Variants in APBA1 observed in about 807,000 individuals in gnomAD.
APBA1 encodes the protein amyloid beta precursor protein binding family A member 1.
In APBA1, 55 loss-of-function variants were observed where a neutral mutation model predicts 86.6. The observed-to-expected ratio is 0.64, with a 90% CI of 0.51 to 0.80. The LOEUF (loss-of-function observed/expected upper bound fraction) is 0.80, where lower values mean the gene tolerates loss of function less well. Ranked by LOEUF, APBA1 falls within the 30% of genes least tolerant of loss-of-function variation. APBA1 has a pLI of 0.00. For missense variants in APBA1, 1,090 were observed against 1,183.0 expected (o/e 0.92, Z 1.15); for synonymous variants, 511 against 493.9 (o/e 1.03, Z -0.46).
At chr9:69,575,076 C>T (rs921695048) in intron 1 of APBA1, among the ~76,000 whole-genome samples, 1 of 152,104 alleles carries the variant, frequency 6.6e-6, no homozygotes, top group Non-Finnish European at 1.5e-5. Context: ...ACCACCTCTC[C>T]TGGCTAATTT....
intron 1 of APBA1, among the ~76,000 whole-genome samples, chr9:69,563,897 C>G (rs1836985720): frequency 6.6e-6 from 1 of 152,112 alleles, no homozygotes; most frequent in Non-Finnish European, 1.5e-5. Context: ...TACAAGCTAC[C>G]CACTTTGAAA....
Position 69,432,605 on chromosome 9 carries a change from G to T in APBA1, c.2373C>A (p.Ile791=). 6.2e-7 allele frequency: 1 copy of T among 1,606,824 alleles called. No homozygotes were observed. The highest frequency in any genetic ancestry group is 8.5e-7 in the Non-Finnish European group (1 of 1,176,972). Residue 791 remains isoleucine (I), a synonymous_variant, in exon 12 of 13, where the codon ATC becomes ATA. Transcript: ENST00000265381. ...GGGTGGCCACGACGCTCTGTCCATTGATTTCAATGATCCGGTGCCCCACAC... is the reference window on the plus strand; with the variant it reads ...GGGTGGCCACGACGCTCTGTCCATTTATTTCAATGATCCGGTGCCCCACAC... The part of the protein sequence containing the change: ...GVRVGHRIIE[I]NGQSVVATPH...
chr9:69,546,727 A>C (rs116736720), intron 1 of APBA1, among the ~76,000 whole-genome samples: 2,467 of 152,324 alleles, frequency 0.016, 60 homozygotes, highest in African/African-American at 0.056. Context: ...TTAGGGAATA[A>C]ATCTTAAAGT....
At chr9:69,639,883 A>T (rs2134006777) in intron 1 of APBA1, among the ~76,000 whole-genome samples, 1 of 152,304 alleles carries the variant, frequency 6.6e-6, no homozygotes, top group East Asian at 1.9e-4. Context: ...AAAAGCACTT[A>T]TGAAATAATA....
chr9:69,579,313 C>A (rs1164556711), intron 1 of APBA1, among the ~76,000 whole-genome samples: 1 of 152,158 alleles, frequency 6.6e-6, no homozygotes, highest in Non-Finnish European at 1.5e-5. Context: ...TGTTGCTAAT[C>A]CCCGAGCAAG....
chr9:69,605,099 A>T (rs1822445617), intron 1 of APBA1, among the ~76,000 whole-genome samples: 1 of 152,226 alleles, frequency 6.6e-6, no homozygotes. Context: ...GGGGGTAAAA[A>T]CAAGAGTTAT....
intron 5 of APBA1, chr9:69,462,821 C>G (rs1835212229): frequency 6.6e-6 from 1 of 152,198 alleles, no homozygotes; most frequent in Admixed American, 6.5e-5. Context: ...GCAGAATCTC[C>G]TGGAGGGTTT....
chr9:69,595,577 G>A (rs549165040), intron 1 of APBA1, among the ~76,000 whole-genome samples: 99 of 152,234 alleles, frequency 6.5e-4, no homozygotes, highest in African/African-American at 2.1e-3. Flanking sequence ...TATGATCTTC[G>A]TGATAACTGT....
chr9:69,516,222 C>A lies in APBA1; in HGVS notation c.989G>T (p.Gly330Val). ...AGQQRAVGPA[G>V]GGEAGQRYSK... ...GTACCGCTGCCCCGCCTCGCCGCCGCCCGCGGGGCCCACCGCCCGCTGCTG... is the reference window on the plus strand; with the variant it reads ...GTACCGCTGCCCCGCCTCGCCGCCGACCGCGGGGCCCACCGCCCGCTGCTG... Residue 330 changes from glycine (G) to valine (V), a missense_variant, in exon 2 of 13, where the codon GGC becomes GTC. Gly to Val is a moderately radical substitution (Grantham distance 109). Coordinates refer to ENST00000265381, the MANE Select transcript of APBA1 (RefSeq NM_001163.4). The surrounding 1 kb of genome is among the most constrained non-coding windows in gnomAD (Gnocchi z 7.3). 3 of 1,478,268 alleles carry A rather than the reference C, an allele frequency of 2.0e-6. No homozygotes were observed. Among genetic ancestry groups the A allele is most frequent in the Non-Finnish European group, 2.7e-6 (3 of 1,110,546 alleles). The allele number at this position is 1,478,268 out of a possible 1,614,324, so 91.6% of individuals were successfully genotyped here. A position where few individuals can be genotyped will look rare whatever the true frequency, so the allele number is the denominator to read the frequency against.
At chr9:69,512,645 A>G (rs963916753) in intron 2 of APBA1, among the ~76,000 whole-genome samples, 2 of 152,226 alleles carry the variant, frequency 1.3e-5, no homozygotes, top group African/African-American at 4.8e-5. Context: ...TTATATCCAC[A>G]GCACTTACAT....
At chr9:69,559,356 AG>A (rs1325174427) in intron 1 of APBA1, among the ~76,000 whole-genome samples, 1 of 152,210 alleles carries the variant, frequency 6.6e-6, no homozygotes, top group Non-Finnish European at 1.5e-5. Context: ...ATCCAGATCA[AG>A]ATGATAACAT....
intron 10 of APBA1, among the ~76,000 whole-genome samples, chr9:69,448,289 C>T (rs1422870773): frequency 6.6e-6 from 1 of 152,262 alleles, no homozygotes; most frequent in Non-Finnish European, 1.5e-5. Flanking sequence ...CCTGCACATG[C>T]ACACTGGCAA....
At chr9:69,545,269 G>A (rs1836680084) in intron 1 of APBA1, among the ~76,000 whole-genome samples, 1 of 152,224 alleles carries the variant, frequency 6.6e-6, no homozygotes, top group African/African-American at 2.4e-5. Flanking sequence ...GGACAGATGT[G>A]GGAGACTGGG....
chr9:69,518,496 G>A (rs192015031), intron 1 of APBA1, among the ~76,000 whole-genome samples: 14 of 152,224 alleles, frequency 9.2e-5, no homozygotes, highest in Admixed American at 5.9e-4. Context: ...CTTGTAGCTC[G>A]AGAGAAAGAT....
At chr9:69,483,294 T>TGTGGGGATGC (rs1835552851) in intron 2 of APBA1, among the ~76,000 whole-genome samples, 1 of 151,728 alleles carries the variant, frequency 6.6e-6, no homozygotes, top group Non-Finnish European at 1.5e-5. Flanking sequence ...TCTCAGGAAG[T>TGTGGGGATGC]GTGGGGATGC....
At chr9:69,627,636 G>A (rs1172616897) in intron 1 of APBA1, among the ~76,000 whole-genome samples, 1 of 152,018 alleles carries the variant, frequency 6.6e-6, no homozygotes, top group Non-Finnish European at 1.5e-5. Flanking sequence ...CAAATACGAT[G>A]GCTACTCAAA....
At position 69,456,266 on chromosome 9, in the gene APBA1, T is replaced by C; in HGVS notation, c.1769A>G (p.His590Arg). The C allele has an allele frequency of 9.3e-6, 15 of 1,614,248 alleles. No homozygotes were observed. The highest frequency in any genetic ancestry group is 1.3e-5 in the Non-Finnish European group (15 of 1,180,050). ...DGKRQYKMIC[H>R]VFESEDAQLI... ...CCTTACATCCTCAGACTCGAAGACGTGGCAGATCATCTTGTACTGCCTTTT... is the reference window on the plus strand; with the variant it reads ...CCTTACATCCTCAGACTCGAAGACGCGGCAGATCATCTTGTACTGCCTTTT... Residue 590 changes from histidine (H) to arginine (R), a missense_variant, in exon 8 of 13, where the codon CAC becomes CGC. Coordinates refer to ENST00000265381, the MANE Select transcript of APBA1 (RefSeq NM_001163.4).
chr9:69,429,812 T>G lies in APBA1; in HGVS notation c.*1515A>C, dbSNP rs1834556956. On this transcript the variant is annotated 3_prime_UTR_variant, in exon 13 of 13. Transcript: ENST00000265381. ...TCGGATGCAGAGAACAGGGACTATA[T>G]TAATTACAAAATATAATAGTTTCTC... is the stretch of plus-strand genomic sequence containing the variant. The G allele has an allele frequency of 6.6e-6, 1 of 151,742 alleles. No individual in the cohort carries two copies. The highest frequency in any genetic ancestry group is 6.6e-5 in the Admixed American group (1 of 15,198). 9.4% of individuals were successfully genotyped at this position (151,742 alleles called of 1,614,324 possible).
At chr9:69,445,061 A>G (rs947499879) in intron 10 of APBA1, among the ~76,000 whole-genome samples, 8 of 152,238 alleles carry the variant, frequency 5.3e-5, no homozygotes, top group Non-Finnish European at 1.2e-4. Flanking sequence ...GTTTACGCCT[A>G]TTAACCACTG....
Sources: gnomAD v4.1 joint callset for allele counts (sites outside exome capture counted in the v4.1 genomes callset) on GRCh38, gnomAD v4.1.1 for gene constraint, Gnocchi (gnomAD v3.1) non-coding constraint, MANE v1.5 for transcripts, NCBI Gene and HGNC (gene_info 2026-07-23, HGNC 2026-07-21) for gene names.